Variants in ARMC3 observed in about 807,000 individuals in gnomAD.
ARMC3 encodes armadillo repeat-containing protein 3.
ARMC3 carries 74 observed loss-of-function variants against 90.3 expected under a neutral mutation model. The observed-to-expected ratio is 0.82, with a 90% confidence interval of 0.68 to 0.99. The LOEUF (loss-of-function observed/expected upper bound fraction) is 0.99, where lower values mean the gene tolerates loss of function less well. Among genes scored for constraint, ARMC3 ranks in the 50% least tolerant of loss-of-function variants. ARMC3 has a pLI of 0.00. For synonymous variants in ARMC3, 334 were observed against 361.8 expected (o/e 0.92, Z 0.87); for missense variants, 958 against 1,042.8 (o/e 0.92, Z 1.12).
intron 16 of ARMC3, among the ~76,000 whole-genome samples, chr10:23,018,442 C>G (rs1435199856): frequency 6.6e-6 from 1 of 151,894 alleles, no homozygotes; most frequent in African/African-American, 2.4e-5. Flanking sequence ...TGTGGCTCAG[C>G]TGAGAGCCTG....
chr10:22,958,429 C>A (rs1835042634), intron 4 of ARMC3, among the ~76,000 whole-genome samples: 1 of 152,158 alleles, frequency 6.6e-6, no homozygotes. Flanking sequence ...CAGCAACACA[C>A]ACACAGATTA....
chr10:22,933,074 C>A (rs1833988940), intron 2 of ARMC3, among the ~76,000 whole-genome samples: 1 of 152,160 alleles, frequency 6.6e-6, no homozygotes, highest in Admixed American at 6.5e-5. Flanking sequence ...GACACACAAA[C>A]ACACACTTGC....
chr10:23,033,006 C>G lies in ARMC3; in HGVS notation c.2392C>G (p.Arg798Gly). 1 of 1,612,422 alleles carries G rather than the reference C, an allele frequency of 6.2e-7. No homozygotes were observed. ...TGTCAAAAAAGGAATCTTCTACCATCGAGCTTTGCTTTTCAAGGTGTGTAA... is the reference window on the plus strand; with the variant it reads ...TGTCAAAAAAGGAATCTTCTACCATGGAGCTTTGCTTTTCAAGGTGTGTAA... ...GHVKKGIFYH[R>G]ALLFKALADR... The change falls in exon 18 of 19, where the codon CGA (arginine) becomes GGA (glycine). Residue 798 changes from arginine (R) to glycine (G), a missense_variant. Arg to Gly is a moderately radical substitution (Grantham distance 125). Transcript: ENST00000298032.
chr10:23,027,786 A>G (rs1403981844), intron 16 of ARMC3, among the ~76,000 whole-genome samples: 1 of 152,072 alleles, frequency 6.6e-6, no homozygotes, highest in East Asian at 1.9e-4. Context: ...GATGACATCA[A>G]TCTTAGACCT....
chr10:22,986,291 T>A (rs1836433853), intron 10 of ARMC3, among the ~76,000 whole-genome samples: 1 of 151,914 alleles, frequency 6.6e-6, no homozygotes, highest in Non-Finnish European at 1.5e-5. Context: ...GTGGTTCACA[T>A]CTGTAATCCC....
At chr10:22,942,723 A>C (rs924390650) in intron 2 of ARMC3, among the ~76,000 whole-genome samples, 4 of 152,210 alleles carry the variant, frequency 2.6e-5, no homozygotes, top group Non-Finnish European at 5.9e-5. Context: ...ATGACTCATC[A>C]ATGCCATTCC....
chr10:23,009,810 T>C (rs1294848881), intron 16 of ARMC3, among the ~76,000 whole-genome samples: 2 of 152,194 alleles, frequency 1.3e-5, no homozygotes, highest in Non-Finnish European at 2.9e-5. Flanking sequence ...CATGTTTACA[T>C]ATTTTTAAAA....
chr10:22,992,423 G>T (rs1824853), intron 10 of ARMC3, among the ~76,000 whole-genome samples: 36,573 of 151,202 alleles, frequency 0.24, 5,415 homozygotes, highest in African/African-American at 0.42. Context: ...CTAGCATTTT[G>T]CGGGGGGCAT....
intron 10 of ARMC3, among the ~76,000 whole-genome samples, chr10:22,983,423 C>G (rs1836278318): frequency 1.3e-5 from 2 of 152,110 alleles, no homozygotes; most frequent in South Asian, 4.1e-4. Flanking sequence ...AAAGGTCAGT[C>G]AGGACTAAAT....
At chr10:22,961,545 C>A in intron 6 of ARMC3, 1 of 201,746 alleles carries the variant, frequency 5.0e-6, no homozygotes, top group Non-Finnish European at 9.9e-6. Context: ...GCATTAATTA[C>A]TATTTGAAGC....
intron 2 of ARMC3, among the ~76,000 whole-genome samples, chr10:22,938,334 G>A (rs903523930): frequency 8.5e-5 from 13 of 152,172 alleles, no homozygotes; most frequent in Admixed American, 7.2e-4. Flanking sequence ...TGGTGACCAC[G>A]TAGGACGTTA....
intron 14 of ARMC3, 91 bp from the exon 15 acceptor site, chr10:23,008,185 A>C: frequency 1.6e-6 from 1 of 633,104 alleles, no homozygotes; most frequent in South Asian, 2.4e-5. Context: ...TTCAGTTATG[A>C]CTTTCAGAAA....
At chr10:22,952,054 G>A (rs1425404608) in intron 3 of ARMC3, among the ~76,000 whole-genome samples, 5 of 152,122 alleles carry the variant, frequency 3.3e-5, no homozygotes, top group African/African-American at 1.2e-4. Flanking sequence ...GAACCAGGGA[G>A]GTGGAGGTTG....
intron 18 of ARMC3, among the ~76,000 whole-genome samples, chr10:23,035,731 T>C (rs943691655): frequency 1.3e-5 from 2 of 152,092 alleles, no homozygotes; most frequent in Admixed American, 6.6e-5. Context: ...ATTGCCTGTC[T>C]TTTCACTCAT....
chr10:23,006,348 T>G (rs867319450), intron 13 of ARMC3, among the ~76,000 whole-genome samples: 3 of 152,256 alleles, frequency 2.0e-5, no homozygotes, highest in Non-Finnish European at 2.9e-5. Context: ...TTTAAAAGGC[T>G]CTCTTTTGCC....
chr10:22,981,206 T>A, intron 8 of ARMC3, 134 bp from the exon 9 acceptor site: 1 of 763,812 alleles, frequency 1.3e-6, no homozygotes, highest in Non-Finnish European at 2.1e-6. Flanking sequence ...AGTTGTAGAT[T>A]TTGTCTAGTT....
chr10:23,018,258 G>A (rs11816139), intron 16 of ARMC3, among the ~76,000 whole-genome samples: 1 of 152,178 alleles, frequency 6.6e-6, no homozygotes, highest in Non-Finnish European at 1.5e-5. Context: ...CTTGGGCAGG[G>A]AAGCAGGTCT....
chr10:23,011,528 C>T (rs1838012630), intron 16 of ARMC3, among the ~76,000 whole-genome samples: 1 of 152,180 alleles, frequency 6.6e-6, no homozygotes, highest in African/African-American at 2.4e-5. Context: ...CCCACTCCAA[C>T]CATACAAGGA....
At position 22,957,372 on chromosome 10, in the gene ARMC3, C is replaced by T. The variant is rs7906246; in HGVS notation, c.292+1440C>T. ...GCCTCAGCTACAGAGACTGCACTTG[C>T]GGGCAGCTGCAGTGCTGGAAGCAGA... On this transcript the variant is annotated intron_variant, in intron 4 of 18. Coordinates refer to ENST00000298032, the MANE Select transcript of ARMC3 (RefSeq NM_173081.5). 3.2e-3 allele frequency among the ~76,000 whole-genome samples: 485 copies of T among 152,224 alleles called. 4 individuals carry two copies. Among genetic ancestry groups the T allele is most frequent in the African/African-American group, 0.011 (459 of 41,534 alleles).
Sources: gnomAD v4.1 joint callset for allele counts (sites outside exome capture counted in the v4.1 genomes callset) on GRCh38, gnomAD v4.1.1 for gene constraint, MANE v1.5 for transcripts, NCBI Gene and HGNC (gene_info 2026-07-23, HGNC 2026-07-21) for gene names.